The following C1orf21 variants were observed in gnomAD, a reference collection of about 807,000 sequenced individuals.
The protein encoded by C1orf21 is chromosome 1 open reading frame 21, also known as uncharacterized protein C1orf21.
A neutral mutation model predicts 18.7 loss-of-function variants in C1orf21; 3 were observed. That is an observed-to-expected ratio of 0.16 (90% CI 0.07 to 0.42). The LOEUF (loss-of-function observed/expected upper bound fraction) is 0.42, where lower values mean the gene tolerates loss of function less well. Among genes scored for constraint, C1orf21 ranks in the 10% least tolerant of loss-of-function variants. The probability of loss-of-function intolerance (pLI) is 0.99; values close to 1 mark genes in which losing one functional copy is unlikely to be tolerated. For missense variants in C1orf21, 104 were observed against 143.6 expected, an observed-to-expected ratio of 0.72 and a Z score of 1.41; for synonymous variants, 41 against 46.4, an observed-to-expected ratio of 0.88 and a Z score of 0.47.
chr1:184,512,566 C>T (rs992169487), intron 3 of C1orf21, among the ~76,000 whole-genome samples: 1 of 152,170 alleles, frequency 6.6e-6, no homozygotes, highest in Non-Finnish European at 1.5e-5. Context: ...GTCATATATT[C>T]CACTTTGCTT....
intron 1 of C1orf21, among the ~76,000 whole-genome samples, chr1:184,469,666 A>G (rs1657463839): frequency 6.6e-6 from 1 of 152,206 alleles, no homozygotes. Flanking sequence ...CATCTGTTTC[A>G]CTATACTCTC....
intron 5 of C1orf21, among the ~76,000 whole-genome samples, chr1:184,606,247 G>C (rs1659645555): frequency 6.6e-6 from 1 of 152,082 alleles, no homozygotes; most frequent in South Asian, 2.1e-4. Context: ...CTTAATTGTT[G>C]TGTCTCATTT....
At chr1:184,585,191 T>TG (rs1659335779) in intron 3 of C1orf21, among the ~76,000 whole-genome samples, 1 of 152,134 alleles carries the variant, frequency 6.6e-6, no homozygotes, top group Non-Finnish European at 1.5e-5. Flanking sequence ...AAGTGTGGTC[T>TG]GGGGGTCCCT....
In C1orf21 at chr1:184,552,234, G is replaced by A. The variant is rs543462107; in HGVS notation, c.190-38505G>A. 8.5e-5 allele frequency among the ~76,000 whole-genome samples: 13 copies of A among 152,280 alleles called. No individual in the cohort carries two copies. In the East Asian group the frequency reaches 2.1e-3, roughly 25 times the overall value. ...ATCCCTAACACAGATTTTTAAATGG[G>A]CAAAGGATAGGAATAGATAATTTGC... On this transcript the variant is annotated intron_variant, in intron 3 of 5. Coordinates refer to ENST00000235307, the MANE Select transcript of C1orf21 (RefSeq NM_030806.4).
intron 2 of C1orf21, among the ~76,000 whole-genome samples, chr1:184,485,886 T>C (rs962142816): frequency 3.9e-5 from 6 of 152,178 alleles, no homozygotes; most frequent in Admixed American, 2.0e-4. Flanking sequence ...TTTTAGTGAA[T>C]CATAGGAGAC....
chr1:184,588,827 A>G (rs79292576), intron 3 of C1orf21, among the ~76,000 whole-genome samples: 1,876 of 152,268 alleles, frequency 0.012, 36 homozygotes, highest in African/African-American at 0.039. Context: ...TTGGAATTAT[A>G]TGGGAAATCC....
intron 3 of C1orf21, among the ~76,000 whole-genome samples, chr1:184,530,230 G>A (rs892159021): frequency 3.3e-5 from 5 of 152,014 alleles, no homozygotes; most frequent in Non-Finnish European, 4.4e-5. Flanking sequence ...GTTAAGAGCC[G>A]GACTAAATCT....
intron 2 of C1orf21, among the ~76,000 whole-genome samples, chr1:184,486,942 A>G (rs894757608): frequency 6.6e-6 from 1 of 152,094 alleles, no homozygotes; most frequent in African/African-American, 2.4e-5. Context: ...AAGTGCTTGT[A>G]TTGTCTGTAG....
At chr1:184,449,191 C>G (rs897793107) in intron 1 of C1orf21, among the ~76,000 whole-genome samples, 4 of 151,328 alleles carry the variant, frequency 2.6e-5, no homozygotes, top group African/African-American at 9.7e-5. Context: ...TAATGCTATC[C>G]CTCCCCCTTC....
At chr1:184,426,569 T>G (rs1469006801) in intron 1 of C1orf21, among the ~76,000 whole-genome samples, 2 of 152,192 alleles carry the variant, frequency 1.3e-5, no homozygotes, top group Admixed American at 6.5e-5. Flanking sequence ...ACTTAGGCTC[T>G]TTCTTCTTGA....
At chr1:184,433,788 T>C (rs532873963) in intron 1 of C1orf21, among the ~76,000 whole-genome samples, 1 of 152,304 alleles carries the variant, frequency 6.6e-6, no homozygotes, top group African/African-American at 2.4e-5. Context: ...AGTTTTGGTC[T>C]CTTGACCTTT....
At chr1:184,582,018 G>A (rs577187881) in intron 3 of C1orf21, among the ~76,000 whole-genome samples, 72 of 152,338 alleles carry the variant, frequency 4.7e-4, no homozygotes, top group African/African-American at 1.7e-3. Flanking sequence ...TCAGGTAATT[G>A]TATTGATACT....
At position 184,554,479 on chromosome 1, in the gene C1orf21, CA is replaced by C. The variant is rs1658852190; in HGVS notation, c.190-36255del. Among the ~76,000 whole-genome samples, 4 of 152,168 alleles carry C rather than the reference CA, an allele frequency of 2.6e-5. No individual in the cohort carries two copies. The South Asian group carries it at 8.3e-4, about 32-fold the overall frequency. Reference sequence around the variant, plus strand: ...GTAATTAATTGGATATTTTGGTTTCCAAAAATTTGAATTACAATAAAAGGAA... The same window carrying C: ...GTAATTAATTGGATATTTTGGTTTCCAAAATTTGAATTACAATAAAAGGAA... On this transcript the variant is annotated intron_variant, in intron 3 of 5. Transcript: ENST00000235307.
intron 3 of C1orf21, among the ~76,000 whole-genome samples, chr1:184,540,445 T>G (rs576698209): frequency 1.3e-3 from 194 of 152,166 alleles, no homozygotes; most frequent in Non-Finnish European, 2.0e-3. Context: ...GTTTTGTTTT[T>G]TTTTTTGAGA....
At chr1:184,456,702 CTGCACAGTTT>C (rs1657203934) in intron 1 of C1orf21, among the ~76,000 whole-genome samples, 1 of 152,160 alleles carries the variant, frequency 6.6e-6, no homozygotes, top group African/African-American at 2.4e-5. Context: ...CCTCCCTTCT[CTGCACAGTTT>C]TTCTTGACTC....
At chr1:184,609,043 G>A (rs1406493824) in intron 5 of C1orf21, among the ~76,000 whole-genome samples, 1 of 152,228 alleles carries the variant, frequency 6.6e-6, no homozygotes, top group African/African-American at 2.4e-5. Flanking sequence ...GAGAAAGGAA[G>A]GGAAGGTGAG....
At chr1:184,582,435 C>T (rs1659287648) in intron 3 of C1orf21, among the ~76,000 whole-genome samples, 1 of 152,232 alleles carries the variant, frequency 6.6e-6, no homozygotes, top group Admixed American at 6.5e-5. Flanking sequence ...GCAGGGCACA[C>T]CCTTTGAGAG....
At chr1:184,584,874 G>A (rs1026556537) in intron 3 of C1orf21, among the ~76,000 whole-genome samples, 1 of 152,178 alleles carries the variant, frequency 6.6e-6, no homozygotes, top group African/African-American at 2.4e-5. Context: ...CAAATTTCTA[G>A]AGACTGAAAG....
At chr1:184,396,885 C>A (rs1656058629) in intron 1 of C1orf21, among the ~76,000 whole-genome samples, 1 of 152,170 alleles carries the variant, frequency 6.6e-6, no homozygotes, top group South Asian at 2.1e-4. Flanking sequence ...TGTTTTTGAT[C>A]CTTTTGTATC....
Sources: allele counts gnomAD v4.1 joint callset (sites outside exome capture counted in the v4.1 genomes callset), GRCh38; gene constraint gnomAD v4.1.1; transcripts MANE v1.5; gene names NCBI Gene and HGNC (gene_info 2026-07-23, HGNC 2026-07-21).